LARP4: variants seen among roughly 807,000 people sequenced by gnomAD.
LARP4 encodes the protein la-related protein 4.
LARP4 carries 29 observed loss-of-function variants against 92.9 expected under a neutral mutation model. The ratio of observed to expected loss-of-function variants is 0.31; its 90% confidence interval spans 0.23 to 0.43. The LOEUF is 0.43. LARP4 is among the 20% of genes least tolerant of loss of function. The probability of loss-of-function intolerance (pLI) is 1.00; values close to 1 mark genes in which losing one functional copy is unlikely to be tolerated. For missense variants in LARP4, 732 were observed against 860.0 expected, an observed-to-expected ratio of 0.85 and a Z score of 1.86; for synonymous variants, 279 against 284.1, an observed-to-expected ratio of 0.98 and a Z score of 0.18.
intron 12 of LARP4, among the ~76,000 whole-genome samples, chr12:50,463,775 G>C (rs1182840134): frequency 6.6e-6 from 1 of 152,156 alleles, no homozygotes; most frequent in Non-Finnish European, 1.5e-5. Context: ...CTGGAGTCTG[G>C]AGGACGGTGG....
At chr12:50,454,632 G>C (rs1953885064) in intron 10 of LARP4, 1 of 382,242 alleles carries the variant, frequency 2.6e-6, no homozygotes, top group Admixed American at 4.2e-5. Context: ...TTGGGATTCA[G>C]ATTTTTTTTA....
chr12:50,435,403 A>C, intron 4 of LARP4, 85 bp from the exon 5 acceptor site: 1 of 798,720 alleles, frequency 1.3e-6, no homozygotes. Context: ...CCATGCATTT[A>C]AAAAGTAGGA....
At chr12:50,413,892 A>C (rs1946330961) in intron 1 of LARP4, among the ~76,000 whole-genome samples, 1 of 152,198 alleles carries the variant, frequency 6.6e-6, no homozygotes. Flanking sequence ...AGGATCTGGT[A>C]TATTCTATTT....
chr12:50,443,614 A>T (rs1027931166), intron 8 of LARP4, among the ~76,000 whole-genome samples: 4 of 150,718 alleles, frequency 2.7e-5, no homozygotes, highest in South Asian at 2.1e-4. Context: ...TTATTTTCTT[A>T]ATTTATTTAT....
chr12:50,468,319 G>A (rs1232850855), intron 13 of LARP4, among the ~76,000 whole-genome samples: 1 of 145,778 alleles, frequency 6.9e-6, no homozygotes, highest in Non-Finnish European at 1.5e-5. Context: ...TTTTGAGACA[G>A]AGTCTCGCTC....
rs1199870387 is a variant in LARP4 at position 50,461,324 on chromosome 12, G to A, written c.1311G>A (p.Gln437=). Reference sequence around the variant, plus strand: ...AGACTTCCACTTTGCAGGTGGAACAGAATGGGGACTATGGTAGGGGCAGGT... The same window carrying A: ...AGACTTCCACTTTGCAGGTGGAACAAAATGGGGACTATGGTAGGGGCAGGT... ...QKETSTLQVE[Q]NGDYGRGRRT... is the part of the protein sequence containing the mutation. Residue 437 remains glutamine, a synonymous_variant, in exon 11 of 16, where the codon CAG becomes CAA. Coordinates refer to ENST00000398473, the MANE Select transcript of LARP4 (RefSeq NM_052879.5). 1 of 1,614,018 alleles carries A rather than the reference G, an allele frequency of 6.2e-7. No individual in the cohort carries two copies. Among genetic ancestry groups the A allele is most frequent in the South Asian group, 1.1e-5 (1 of 91,066 alleles).
intron 8 of LARP4, among the ~76,000 whole-genome samples, chr12:50,443,982 A>G (rs1202057311): frequency 1.3e-5 from 2 of 151,930 alleles, no homozygotes; most frequent in Non-Finnish European, 2.9e-5. Flanking sequence ...TTTGTCCTTG[A>G]CCCTATTTTT....
At chr12:50,412,551 T>A in intron 1 of LARP4, 1 of 321,980 alleles carries the variant, frequency 3.1e-6, no homozygotes, top group Non-Finnish European at 4.5e-6. Flanking sequence ...CTTAGGTCTG[T>A]AATTTCTTAG....
intron 1 of LARP4, among the ~76,000 whole-genome samples, chr12:50,415,086 C>T (rs1946536428): frequency 6.6e-6 from 1 of 152,068 alleles, no homozygotes; most frequent in Non-Finnish European, 1.5e-5. Context: ...ACCTGTAATC[C>T]CAGCTACTCA....
chr12:50,455,792 T>A (rs541415550), intron 10 of LARP4, among the ~76,000 whole-genome samples: 43 of 152,296 alleles, frequency 2.8e-4, no homozygotes, highest in Admixed American at 1.4e-3. Context: ...AAAATTTTAC[T>A]ACTAAACATA....
At position 50,444,471 on chromosome 12, in the gene LARP4, C is replaced by T. The variant is rs186210325; in HGVS notation, c.804+2828C>T. 1.2e-3 allele frequency among the ~76,000 whole-genome samples: 181 copies of T among 152,186 alleles called. 1 individual carries two copies. The highest frequency in any genetic ancestry group is 4.2e-3 in the African/African-American group (176 of 41,526). On this transcript the variant is annotated intron_variant, in intron 8 of 15. Coordinates refer to ENST00000398473, the MANE Select transcript of LARP4 (RefSeq NM_052879.5). ...TAGCAACATAAGTTGCAAGAAAATT[C>T]ACATTAACTTTTATACCATTTATTA...
chr12:50,428,809 C>T, intron 2 of LARP4, 126 bp from the exon 3 acceptor site: 1 of 658,204 alleles, frequency 1.5e-6, no homozygotes, highest in Non-Finnish European at 2.5e-6. Flanking sequence ...TGCTTAAAAC[C>T]ATGCGGACAT....
At chr12:50,460,816 G>A (rs1019185651) in intron 10 of LARP4, among the ~76,000 whole-genome samples, 1 of 152,038 alleles carries the variant, frequency 6.6e-6, no homozygotes, top group Non-Finnish European at 1.5e-5. Flanking sequence ...GGTGGCTGGC[G>A]CCTGTAGTCC....
At chr12:50,451,176 T>C (rs887770306) in intron 8 of LARP4, among the ~76,000 whole-genome samples, 2 of 152,192 alleles carry the variant, frequency 1.3e-5, no homozygotes, top group African/African-American at 4.8e-5. Flanking sequence ...AACTTATTTC[T>C]TCTAACACAA....
chr12:50,464,516 C>G (rs994014428), intron 12 of LARP4, among the ~76,000 whole-genome samples: 1 of 152,182 alleles, frequency 6.6e-6, no homozygotes, highest in Non-Finnish European at 1.5e-5. Flanking sequence ...CTCAGCCTCC[C>G]GAGTAGCTGG....
intron 8 of LARP4, among the ~76,000 whole-genome samples, chr12:50,446,160 G>A (rs1277083396): frequency 6.7e-6 from 1 of 150,146 alleles, no homozygotes; most frequent in Non-Finnish European, 1.5e-5. Flanking sequence ...CTGCCATCAC[G>A]CTTGGCTGAT....
chr12:50,425,864 C>T (rs1948624592), intron 1 of LARP4, among the ~76,000 whole-genome samples: 1 of 151,982 alleles, frequency 6.6e-6, no homozygotes, highest in Non-Finnish European at 1.5e-5. Context: ...AAGTAAGTTC[C>T]CTCCTCCTCA....
intron 8 of LARP4, among the ~76,000 whole-genome samples, chr12:50,449,962 T>A (rs1952872154): frequency 7.2e-6 from 1 of 138,452 alleles, no homozygotes; most frequent in Admixed American, 7.7e-5. Context: ...TGAGATGGAG[T>A]TTTGCTCTGT....
chr12:50,410,196 T>C (rs80145056), intron 1 of LARP4, among the ~76,000 whole-genome samples: 2 of 152,118 alleles, frequency 1.3e-5, no homozygotes, highest in South Asian at 4.1e-4. Context: ...AGCTGACTAA[T>C]TGAAGTAATG....
Sources: gnomAD v4.1 joint callset for allele counts (sites outside exome capture counted in the v4.1 genomes callset) on GRCh38, gnomAD v4.1.1 for gene constraint, MANE v1.5 for transcripts, NCBI Gene and HGNC (gene_info 2026-07-23, HGNC 2026-07-21) for gene names.